CFAP54: variants seen among roughly 807,000 people sequenced by gnomAD.
CFAP54 encodes cilia- and flagella-associated protein 54.
Under a neutral mutation model 370.4 loss-of-function variants are expected in CFAP54, and 290 were observed. That is an observed-to-expected ratio of 0.78 (90% CI 0.71 to 0.86). The LOEUF is 0.86. Ranked by LOEUF, CFAP54 falls within the 40% of genes least tolerant of loss-of-function variation. CFAP54 has a pLI of 0.00. For synonymous variants in CFAP54, 1,206 were observed against 1,236.5 expected, an observed-to-expected ratio of 0.98 and a Z score of 0.52; for missense variants, 3,399 against 3,528.7, an observed-to-expected ratio of 0.96 and a Z score of 0.93.
intron 47 of CFAP54, among the ~76,000 whole-genome samples, chr12:96,706,305 G>A (rs997281829): frequency 2.0e-5 from 3 of 152,204 alleles, no homozygotes; most frequent in Non-Finnish European, 2.9e-5. Flanking sequence ...CATGGGGCTA[G>A]GTTGGAGATG....
chr12:96,584,729 TCATGGAAC>T (rs1320660330), intron 22 of CFAP54, among the ~76,000 whole-genome samples: 1 of 152,082 alleles, frequency 6.6e-6, no homozygotes, highest in Non-Finnish European at 1.5e-5. Context: ...TGATTGCAAG[TCATGGAAC>T]CAGCTCAGCT....
At chr12:96,630,233 G>A (rs932102575) in intron 31 of CFAP54, 29 bp downstream of exon 31, 70 of 1,190,636 alleles carry the variant, frequency 5.9e-5, no homozygotes, top group Non-Finnish European at 7.9e-5. Flanking sequence ...TTGAATTTTA[G>A]GTAATGAAAT....
chr12:96,732,203 G>A (rs1217359102), intron 50 of CFAP54, among the ~76,000 whole-genome samples: 1 of 152,018 alleles, frequency 6.6e-6, no homozygotes, highest in Non-Finnish European at 1.5e-5. Flanking sequence ...TCAGCTCACC[G>A]CAACCTCTGC....
intron 60 of CFAP54, among the ~76,000 whole-genome samples, chr12:96,770,994 G>A (rs896853781): frequency 2.0e-5 from 3 of 152,216 alleles, no homozygotes; most frequent in Admixed American, 6.5e-5. Context: ...TCTGCCCTTC[G>A]CAATCCAAAC....
chr12:96,824,396 C>T (rs1303766036), intron 65 of CFAP54, among the ~76,000 whole-genome samples: 1 of 152,170 alleles, frequency 6.6e-6, no homozygotes, highest in Non-Finnish European at 1.5e-5. Context: ...CTCTCTTCAT[C>T]TGTGATGTGA....
intron 67 of CFAP54, among the ~76,000 whole-genome samples, chr12:96,865,299 G>A (rs181575042): frequency 1.2e-4 from 18 of 152,216 alleles, no homozygotes; most frequent in Admixed American, 1.0e-3. Context: ...ATTCGTAAAT[G>A]GATTAATAAC....
At chr12:96,560,344 TTTTAGCTCTC>T (rs1265887530) in intron 17 of CFAP54, among the ~76,000 whole-genome samples, 1 of 152,204 alleles carries the variant, frequency 6.6e-6, no homozygotes, top group Admixed American at 6.5e-5. Context: ...AAACTATTTT[TTTTAGCTCTC>T]ACATATGTCT....
intron 66 of CFAP54, among the ~76,000 whole-genome samples, chr12:96,842,982 G>A (rs1379038643): frequency 6.6e-6 from 1 of 152,200 alleles, no homozygotes; most frequent in East Asian, 1.9e-4. Context: ...GCAGCTGCTA[G>A]TGATGTATAC....
At chr12:96,763,569 A>G (rs1472872440) in intron 58 of CFAP54, among the ~76,000 whole-genome samples, 1 of 152,146 alleles carries the variant, frequency 6.6e-6, no homozygotes, top group East Asian at 1.9e-4. Flanking sequence ...ACCTGAGCTC[A>G]GGAGATCAAG....
chr12:96,685,134 C>G lies in CFAP54; in HGVS notation c.5910C>G (p.Asn1970Lys), dbSNP rs1336703775. The G allele has an allele frequency of 1.2e-6, 2 of 1,614,040 alleles. No homozygotes were observed. The highest frequency in any genetic ancestry group is 1.7e-6 in the Non-Finnish European group (2 of 1,180,018). Reference protein sequence around the residue: ...EFGPSLTNVTNSHSPPGFKDY... With the variant: ...EFGPSLTNVTKSHSPPGFKDY... ...GCCCCTCACTCACCAATGTCACCAACAGTCATTCACCTCCGGGTTTCAAAG... is the reference window on the plus strand; with the variant it reads ...GCCCCTCACTCACCAATGTCACCAAGAGTCATTCACCTCCGGGTTTCAAAG... Residue 1970 changes from asparagine (N) to lysine (K), a missense_variant, in exon 42 of 68, where the codon AAC (asparagine) becomes AAG (lysine). Transcript: ENST00000524981.
At chr12:96,679,822 C>T (rs970941841) in intron 40 of CFAP54, 70 bp downstream of exon 40, 45 of 1,484,178 alleles carry the variant, frequency 3.0e-5, no homozygotes, top group Non-Finnish European at 4.0e-5. Flanking sequence ...TGTCCCTCTT[C>T]TGCCCTCTCA....
At chr12:96,679,820 T>C (rs189067773) in intron 40 of CFAP54, 68 bp downstream of exon 40, 62 of 1,468,940 alleles carry the variant, frequency 4.2e-5, no homozygotes, top group Admixed American at 4.2e-4. Context: ...GATGTCCCTC[T>C]TCTGCCCTCT....
At chr12:96,691,535 C>A (rs1024889872) in intron 44 of CFAP54, among the ~76,000 whole-genome samples, 1 of 152,098 alleles carries the variant, frequency 6.6e-6, no homozygotes, top group African/African-American at 2.4e-5. Flanking sequence ...TCTCCTTTTA[C>A]TGTGTTACTT....
intron 19 of CFAP54, among the ~76,000 whole-genome samples, chr12:96,573,742 T>A (rs1229470632): frequency 2.6e-5 from 4 of 152,222 alleles, no homozygotes; most frequent in Non-Finnish European, 5.9e-5. Flanking sequence ...ATTCAGTGAT[T>A]CAAACAGTTA....
intron 55 of CFAP54, among the ~76,000 whole-genome samples, chr12:96,749,319 T>G (rs1481105829): frequency 6.6e-6 from 1 of 152,214 alleles, no homozygotes; most frequent in South Asian, 2.1e-4. Context: ...ACAAGGACAG[T>G]AATCTCATGC....
chr12:96,730,807 C>G (rs1025917170), intron 50 of CFAP54, among the ~76,000 whole-genome samples: 5 of 152,148 alleles, frequency 3.3e-5, no homozygotes, highest in African/African-American at 9.7e-5. Context: ...AACATATAAT[C>G]ATCTCATCAG....
chr12:96,785,837 T>G (rs1958623636), intron 61 of CFAP54, among the ~76,000 whole-genome samples: 1 of 152,208 alleles, frequency 6.6e-6, no homozygotes, highest in Admixed American at 6.5e-5. Context: ...AGGAGTAACC[T>G]TCAGCTATTG....
intron 39 of CFAP54, among the ~76,000 whole-genome samples, chr12:96,674,336 CTTTT>C (rs5800259): frequency 8.0e-6 from 1 of 125,016 alleles, no homozygotes. Context: ...CAATGTTTTT[CTTTT>C]TTTTTTTTTT....
intron 51 of CFAP54, among the ~76,000 whole-genome samples, chr12:96,740,388 A>C (rs1338047761): frequency 6.6e-6 from 1 of 152,234 alleles, no homozygotes; most frequent in Non-Finnish European, 1.5e-5. Context: ...GTTTCCCAAG[A>C]CTTGCTCCTC....
Sources: gnomAD v4.1 joint callset for allele counts (sites outside exome capture counted in the v4.1 genomes callset) on GRCh38, gnomAD v4.1.1 for gene constraint, MANE v1.5 for transcripts, NCBI Gene and HGNC (gene_info 2026-07-23, HGNC 2026-07-21) for gene names.